Variants in DNAH11 observed in about 807,000 individuals in gnomAD.
The protein encoded by DNAH11 is axonemal beta dynein heavy chain 11.
DNAH11 carries 442 observed loss-of-function variants against 526.0 expected under a neutral mutation model. The observed-to-expected ratio is 0.84, with a 90% CI of 0.78 to 0.91. The LOEUF (loss-of-function observed/expected upper bound fraction) is 0.91. Ranked by LOEUF, DNAH11 falls within the 40% of genes least tolerant of loss-of-function variation. The pLI is 0.00. For synonymous variants in DNAH11, 2,461 were observed against 1,935.9 expected (o/e 1.27, Z -7.12); for missense variants, 6,989 against 5,448.7 (o/e 1.28, Z -8.90).
At chr7:21,588,485 C>A (rs369555528) in intron 10 of DNAH11, 27 bp from the exon 11 acceptor site, 11 of 1,611,460 alleles carry the variant, frequency 6.8e-6, no homozygotes, top group Non-Finnish European at 9.3e-6. Flanking sequence ...TCCCTTTCTT[C>A]CTCTTCACCA....
chr7:21,567,966 G>A (rs552802154), intron 6 of DNAH11, among the ~76,000 whole-genome samples: 1 of 152,174 alleles, frequency 6.6e-6, no homozygotes, highest in African/African-American at 2.4e-5. Flanking sequence ...CTATTCCATG[G>A]CTTGGTGTAT....
chr7:21,677,387 T>C (rs761350298), intron 30 of DNAH11, among the ~76,000 whole-genome samples: 2 of 152,104 alleles, frequency 1.3e-5, no homozygotes, highest in Non-Finnish European at 2.9e-5. Context: ...TCAGTAATCT[T>C]TTTTTATTTT....
intron 35 of DNAH11, among the ~76,000 whole-genome samples, 151 bp downstream of exon 35, chr7:21,691,032 A>C (rs1783594739): frequency 6.6e-6 from 1 of 152,224 alleles, no homozygotes; most frequent in Admixed American, 6.5e-5. Context: ...CAGAACTTTC[A>C]CCATGATAAA....
chr7:21,757,687 T>G (rs768444925), intron 54 of DNAH11, among the ~76,000 whole-genome samples: 1 of 152,200 alleles, frequency 6.6e-6, no homozygotes, highest in Non-Finnish European at 1.5e-5. Context: ...AGCTAAAGTC[T>G]GGCGACAGAC....
intron 65 of DNAH11, 108 bp from the exon 66 acceptor site, chr7:21,842,436 T>G: frequency 8.7e-6 from 8 of 918,526 alleles, no homozygotes; most frequent in Non-Finnish European, 1.1e-5. Context: ...CTCAATCACC[T>G]GAGCTTCTGG....
intron 69 of DNAH11, among the ~76,000 whole-genome samples, chr7:21,862,474 G>T (rs1783103220): frequency 6.6e-6 from 1 of 152,000 alleles, no homozygotes; most frequent in Non-Finnish European, 1.5e-5. Context: ...TTCATTGTGT[G>T]TAATTAATAA....
chr7:21,564,211 A>G lies in DNAH11; in HGVS notation c.1008A>G (p.Glu336=). The change falls in exon 6 of 82, where the codon GAA becomes GAG. Residue 336 remains glutamate (E), a synonymous_variant. Transcript: ENST00000409508. Reference sequence around the variant, plus strand: ...CTCTTCTCGAAGCCCAAGATGTGGAACTTTACCTGAGACCTCTGAGGAGAC... The same window carrying G: ...CTCTTCTCGAAGCCCAAGATGTGGAGCTTTACCTGAGACCTCTGAGGAGAC... ...ENALLEAQDV[E]LYLRPLRRHI... is the part of the protein sequence containing the mutation. 6.2e-7 allele frequency: 1 copy of G among 1,603,816 alleles called. No individual in the cohort carries two copies. The highest frequency in any genetic ancestry group is 8.5e-7 in the Non-Finnish European group (1 of 1,175,294).
chr7:21,690,931 ATGT>A, intron 35 of DNAH11, 50 bp downstream of exon 35: 3 of 1,383,596 alleles, frequency 2.2e-6, no homozygotes, highest in South Asian at 1.2e-5. Flanking sequence ...ATGCCACCTA[ATGT>A]TGTTGGTTTG....
chr7:21,753,759 T>C (rs965933685), intron 54 of DNAH11, among the ~76,000 whole-genome samples: 6 of 152,224 alleles, frequency 3.9e-5, no homozygotes, highest in Non-Finnish European at 8.8e-5. Context: ...CAATTGCTCT[T>C]TCTTGTTAAG....
At chr7:21,769,677 G>T (rs1480707542) in intron 55 of DNAH11, among the ~76,000 whole-genome samples, 3 of 151,956 alleles carry the variant, frequency 2.0e-5, no homozygotes, top group African/African-American at 2.4e-5. Flanking sequence ...TAGAGACAGG[G>T]TTTCACCATG....
At chr7:21,733,029 G>A (rs1489858766) in intron 45 of DNAH11, among the ~76,000 whole-genome samples, 2 of 152,136 alleles carry the variant, frequency 1.3e-5, no homozygotes, top group African/African-American at 4.8e-5. Context: ...GCTTCCCGTG[G>A]AGCACGTGGC....
intron 65 of DNAH11, among the ~76,000 whole-genome samples, chr7:21,819,681 T>C (rs980151049): frequency 3.9e-5 from 6 of 152,188 alleles, no homozygotes; most frequent in African/African-American, 1.2e-4. Flanking sequence ...ATGACTCTTA[T>C]TACATATATA....
At chr7:21,755,950 A>G (rs1350953391) in intron 54 of DNAH11, among the ~76,000 whole-genome samples, 2 of 152,132 alleles carry the variant, frequency 1.3e-5, no homozygotes, top group Admixed American at 6.5e-5. Flanking sequence ...AGCACTTTAT[A>G]TAATCGATGT....
At chr7:21,560,279 C>T (rs1006811898) in intron 4 of DNAH11, among the ~76,000 whole-genome samples, 5 of 152,026 alleles carry the variant, frequency 3.3e-5, no homozygotes, top group African/African-American at 1.2e-4. Flanking sequence ...TAATATTTTA[C>T]ATATATAATA....
intron 2 of DNAH11, among the ~76,000 whole-genome samples, chr7:21,550,613 C>T (rs1782987541): frequency 2.0e-5 from 3 of 152,252 alleles, no homozygotes; most frequent in African/African-American, 7.2e-5. Context: ...TTCATTCTTT[C>T]TACCTTTCCA....
chr7:21,726,643 C>G (rs935248420), intron 45 of DNAH11, among the ~76,000 whole-genome samples: 1 of 151,280 alleles, frequency 6.6e-6, no homozygotes, highest in Admixed American at 6.6e-5. Flanking sequence ...GGGCAGATCA[C>G]GAGGTCAGGA....
intron 58 of DNAH11, among the ~76,000 whole-genome samples, chr7:21,786,123 C>G (rs182270350): frequency 1.3e-4 from 20 of 152,262 alleles, no homozygotes; most frequent in African/African-American, 4.8e-4. Flanking sequence ...TCTTGGCCCT[C>G]TCCTAGTTGA....
chr7:21,750,414 ACT>A, intron 54 of DNAH11, 50 bp downstream of exon 54: 1 of 1,553,320 alleles, frequency 6.4e-7, no homozygotes, highest in Non-Finnish European at 8.7e-7. Flanking sequence ...TGCTATTGCA[ACT>A]CTCTGGTTCT....
intron 57 of DNAH11, among the ~76,000 whole-genome samples, chr7:21,781,509 C>G (rs1787939677): frequency 1.3e-5 from 2 of 152,208 alleles, no homozygotes; most frequent in South Asian, 4.1e-4. Context: ...TCATTGCTTT[C>G]AAACTGTGTT....
Sources: gnomAD v4.1 joint callset for allele counts (sites outside exome capture counted in the v4.1 genomes callset) on GRCh38, gnomAD v4.1.1 for gene constraint, MANE v1.5 for transcripts, NCBI Gene and HGNC (gene_info 2026-07-23, HGNC 2026-07-21) for gene names.